Variants in ARMCX4 observed in about 807,000 individuals in gnomAD.
The protein encoded by ARMCX4 is armadillo repeat-containing X-linked protein 4.
A neutral mutation model predicts 34.7 loss-of-function variants in ARMCX4; 3 were observed. The ratio of observed to expected loss-of-function variants is 0.09; its 90% CI spans 0.04 to 0.22. The LOEUF is 0.22. Among genes scored for constraint, ARMCX4 ranks in the 10% least tolerant of loss-of-function variants. ARMCX4 has a pLI of 1.00. For synonymous variants in ARMCX4, 513 were observed against 632.8 expected (o/e 0.81, Z 2.84); for missense variants, 1,448 against 1,720.8 (o/e 0.84, Z 2.81).
intron 4 of ARMCX4, among the ~76,000 whole-genome samples, chrX:101,457,961 C>T (rs782517744): frequency 9.1e-6 from 1 of 110,184 alleles, no homozygotes; most frequent in Non-Finnish European, 1.9e-5. Flanking sequence ...AGGCTGGTAT[C>T]GAACTCCTGA....
intron 4 of ARMCX4, among the ~76,000 whole-genome samples, chrX:101,473,816 A>G (rs1303709405): frequency 5.4e-5 from 5 of 93,392 alleles, no homozygotes; most frequent in Admixed American, 1.2e-4. Flanking sequence ...GCAGTGTGTA[A>G]AGGGAAATTT....
At chrX:101,420,692 G>A (rs1305793018) in intron 2 of ARMCX4, among the ~76,000 whole-genome samples, 1 of 112,311 alleles carries the variant, frequency 8.9e-6, no homozygotes, top group Non-Finnish European at 1.9e-5. Context: ...AGAGTTGGAG[G>A]AGCTGGTTTG....
rs1569337398 is a variant in ARMCX4 at position 101,492,779 on chromosome X, CAGA to C, written c.4196_4198del (p.Glu1399del). ...AAGCCTAGATTTGAAAATCAGACCACAGAAGAAGGGTCTTGGGCTGGGGCTGGT... is the reference window on the plus strand; with the variant it reads ...AAGCCTAGATTTGAAAATCAGACCACAGAAGGGTCTTGGGCTGGGGCTGGT... On this transcript the variant is annotated inframe_deletion, in exon 6 of 6. Coordinates refer to ENST00000423738, the MANE Select transcript of ARMCX4 (RefSeq NM_001256155.3). 8.8e-7 allele frequency: 1 copy of C among 1,131,691 alleles called. No homozygotes were observed. The highest frequency in any genetic ancestry group is 1.2e-6 in the Non-Finnish European group (1 of 863,129). The allele number at this position is 1,131,691 out of a possible 1,213,427, so 93.3% of individuals were successfully genotyped here. A position where few individuals can be genotyped will look rare whatever the true frequency, so the allele number is the denominator to read the frequency against.
At chrX:101,528,233 C>T (rs1935028458) in intron 11 of ARMCX4, among the ~76,000 whole-genome samples, 1 of 111,687 alleles carries the variant, frequency 9.0e-6, no homozygotes, top group Non-Finnish European at 1.9e-5. Context: ...AGACAAAAAC[C>T]ACATGATTAT....
intron 4 of ARMCX4, among the ~76,000 whole-genome samples, chrX:101,461,409 GA>G (rs1465403480): frequency 6.2e-5 from 7 of 112,009 alleles, no homozygotes; most frequent in Admixed American, 9.5e-5. Flanking sequence ...TTTTAAGGCT[GA>G]ATAATATTCC....
Position 101,495,745 on chromosome X carries a change from T to G in ARMCX4, c.*283T>G. The G allele has an allele frequency of 4.5e-6, 1 of 224,603 alleles. No homozygotes were observed. Among genetic ancestry groups the G allele is most frequent in the Non-Finnish European group, 8.2e-6 (1 of 122,188 alleles). 18.5% of individuals were successfully genotyped at this position (224,603 alleles called of 1,213,427 possible). A position where few individuals can be genotyped will look rare whatever the true frequency, so the allele number is the denominator to read the frequency against. ...TTTGGTCCTTTGTGTGGACTTATGTTTATACATTTAAGACTATTTTTATGT... is the reference window on the plus strand; with the variant it reads ...TTTGGTCCTTTGTGTGGACTTATGTGTATACATTTAAGACTATTTTTATGT... On this transcript the variant is annotated 3_prime_UTR_variant, in exon 6 of 6. Transcript: ENST00000423738.
Position 101,436,813 on chromosome X carries a change from C to T in ARMCX4, n.165-7239C>T, listed in dbSNP as rs60387013. Among the ~76,000 whole-genome samples, 416 of 111,531 alleles carry T rather than the reference C, an allele frequency of 3.7e-3. 2 individuals are homozygous for T. Among genetic ancestry groups the T allele is most frequent in the African/African-American group, 7.9e-3 (243 of 30,675 alleles). ...AGATAGCTCTTATTATTTTGAGATA[C>T]GTCCCATCAATACCTAATTTATTGA... On this transcript the variant is annotated intron_variant and non_coding_transcript_variant, in intron 2 of 3. Transcript: ENST00000430461.
chrX:101,493,936 A>T lies in ARMCX4; in HGVS notation c.5347A>T (p.Ile1783Phe). Residue 1783 changes from isoleucine (I) to phenylalanine (F), a missense_variant, in exon 6 of 6, where the codon ATT (isoleucine) becomes TTT (phenylalanine). Transcript: ENST00000423738. ...AGEEAMICSR[I>F]EAENKASSGS... Reference sequence around the variant, plus strand: ...GGAAGAGGCCATGATTTGTTCTAGGATTGAGGCTGAGAACAAGGCTAGTAG... The same window carrying T: ...GGAAGAGGCCATGATTTGTTCTAGGTTTGAGGCTGAGAACAAGGCTAGTAG... 5 of 1,061,675 alleles carry T rather than the reference A, an allele frequency of 4.7e-6. No individual in the cohort carries two copies. Among genetic ancestry groups the T allele is most frequent in the Non-Finnish European group, 6.1e-6 (5 of 817,805 alleles). The allele number at this position is 1,061,675 out of a possible 1,213,427, so 87.5% of individuals were successfully genotyped here. A position where few individuals can be genotyped will look rare whatever the true frequency, so the allele number is the denominator to read the frequency against.
At chrX:101,485,359 G>A, upstream of ARMCX4, 1 of 140,830 alleles carries the variant, frequency 7.1e-6, no homozygotes, top group Non-Finnish European at 1.3e-5. Context: ...CTTGGTGGGT[G>A]GTAGGGGGTG....
intron 2 of ARMCX4, among the ~76,000 whole-genome samples, chrX:101,438,272 TC>T (rs1930952443): frequency 8.9e-6 from 1 of 111,919 alleles, no homozygotes; most frequent in South Asian, 3.7e-4. Flanking sequence ...TGTTAAAGTC[TC>T]CCATTATCAG....
intron 2 of ARMCX4, among the ~76,000 whole-genome samples, chrX:101,436,184 G>C (rs1387166304): frequency 2.7e-5 from 3 of 109,158 alleles, no homozygotes; most frequent in Non-Finnish European, 5.7e-5. Context: ...TGTGAAGAAA[G>C]TCATTGGTAG....
At chrX:101,522,002 T>C (rs1449210686) in intron 11 of ARMCX4, among the ~76,000 whole-genome samples, 1 of 111,800 alleles carries the variant, frequency 8.9e-6, no homozygotes, top group Non-Finnish European at 1.9e-5. Context: ...GTTCTATAGA[T>C]GTCTGCCACT....
chrX:101,496,330 C>T (rs781991775), downstream of ARMCX4, among the ~76,000 whole-genome samples: 9 of 109,816 alleles, frequency 8.2e-5, no homozygotes, highest in East Asian at 2.9e-4. Flanking sequence ...CAAGCTGGGG[C>T]GGGGATAGGA....
chrX:101,430,715 A>G (rs1275700677), intron 2 of ARMCX4, among the ~76,000 whole-genome samples: 1 of 112,182 alleles, frequency 8.9e-6, no homozygotes, highest in African/African-American at 3.2e-5. Flanking sequence ...ACCTCTGTCT[A>G]TCCATCTATC....
rs184843102 is a variant in ARMCX4, at chrX:101,420,876, G to A, written n.164+1876G>A. On this transcript the variant is annotated intron_variant and non_coding_transcript_variant, in intron 2 of 3. Coordinates refer to the ARMCX4 transcript ENST00000430461. ...GCCATTGGAAGCCCTGTGGGATGGGGAGAACGAATCAGATTTGTCTTTGAA... is the reference window on the plus strand; with the variant it reads ...GCCATTGGAAGCCCTGTGGGATGGGAAGAACGAATCAGATTTGTCTTTGAA... Among the ~76,000 whole-genome samples the A allele has an allele frequency of 2.7e-5, 3 of 112,454 alleles. No homozygotes were observed. The East Asian group carries it at 8.4e-4, about 32-fold the overall frequency.
At chrX:101,464,441 A>C (rs1460088992) in intron 4 of ARMCX4, among the ~76,000 whole-genome samples, 1 of 111,763 alleles carries the variant, frequency 8.9e-6, no homozygotes, top group African/African-American at 3.3e-5. Flanking sequence ...ATTAAAACAG[A>C]GAGAGAATGG....
intron 2 of ARMCX4, among the ~76,000 whole-genome samples, chrX:101,439,476 A>C (rs1165439186): frequency 4.5e-5 from 5 of 111,126 alleles, no homozygotes; most frequent in Non-Finnish European, 9.4e-5. Flanking sequence ...CTTCTTGAGG[A>C]GTATCTTTGT....
downstream of ARMCX4, among the ~76,000 whole-genome samples, chrX:101,446,910 C>T (rs933968489): frequency 6.4e-5 from 7 of 109,330 alleles, no homozygotes; most frequent in African/African-American, 1.3e-4. Context: ...GCCAAGATTG[C>T]GCCACTGCAC....
Position 101,494,418 on chromosome X carries a change from A to G in ARMCX4, c.5829A>G (p.Gly1943=). 8.7e-7 allele frequency: 1 copy of G among 1,155,548 alleles called. No individual in the cohort carries two copies. The highest frequency in any genetic ancestry group is 1.1e-6 in the Non-Finnish European group (1 of 872,860). ...SIKDKFEAAG[G]VDIGSWFCAG... is the part of the protein sequence containing the mutation. ...AGGATAAGTTTGAGGCTGCTGGTGGAGTTGATATAGGGTCTTGGTTCTGTG... is the reference window on the plus strand; with the variant it reads ...AGGATAAGTTTGAGGCTGCTGGTGGGGTTGATATAGGGTCTTGGTTCTGTG... Residue 1943 remains glycine (G), a synonymous_variant, in exon 6 of 6, where the codon GGA becomes GGG. Transcript: ENST00000423738.
Sources: gnomAD v4.1 joint callset for allele counts (sites outside exome capture counted in the v4.1 genomes callset) on GRCh38, gnomAD v4.1.1 for gene constraint, MANE v1.5 for transcripts, NCBI Gene and HGNC (gene_info 2026-07-23, HGNC 2026-07-21) for gene names.